TTC28: variants seen among roughly 807,000 people sequenced by gnomAD.
The protein encoded by TTC28 is tetratricopeptide repeat protein 28.
TTC28 carries 61 observed loss-of-function variants against 198.0 expected under a neutral mutation model. That is an observed-to-expected ratio of 0.31 (90% CI 0.25 to 0.38). TTC28 has a LOEUF of 0.38. Ranked by LOEUF, TTC28 falls within the 10% of genes least tolerant of loss-of-function variation. TTC28 has a pLI of 1.00. For missense variants in TTC28, 2,678 were observed against 3,164.0 expected, an observed-to-expected ratio of 0.85 and a Z score of 3.69; for synonymous variants, 1,171 against 1,297.8, an observed-to-expected ratio of 0.90 and a Z score of 2.10.
intron 6 of TTC28, among the ~76,000 whole-genome samples, chr22:28,124,583 A>G (rs1942871298): frequency 6.6e-6 from 1 of 152,232 alleles, no homozygotes; most frequent in South Asian, 2.1e-4. Flanking sequence ...ACACATCTAG[A>G]AAGGGCAAGC....
intron 12 of TTC28, among the ~76,000 whole-genome samples, chr22:28,089,705 TA>T (rs983993978): frequency 2.2e-4 from 30 of 138,170 alleles, no homozygotes; most frequent in African/African-American, 5.6e-4. Flanking sequence ...AATAAAAAAA[TA>T]AAAAAAATAA....
At chr22:28,529,381 G>T (rs1449969891) in intron 2 of TTC28, among the ~76,000 whole-genome samples, 1 of 152,214 alleles carries the variant, frequency 6.6e-6, no homozygotes, top group South Asian at 2.1e-4. Flanking sequence ...CATTGCTGAG[G>T]CTTGGGTAGG....
At chr22:28,153,307 T>C (rs1943653109) in intron 6 of TTC28, among the ~76,000 whole-genome samples, 1 of 150,886 alleles carries the variant, frequency 6.6e-6, no homozygotes, top group Admixed American at 6.6e-5. Flanking sequence ...CCCAGGATGG[T>C]TTGAAAATAG....
intron 13 of TTC28, among the ~76,000 whole-genome samples, chr22:28,022,179 G>A (rs918837120): frequency 6.6e-6 from 1 of 152,228 alleles, no homozygotes; most frequent in African/African-American, 2.4e-5. Context: ...TATGGCATCA[G>A]GCCCTGAACC....
At chr22:28,387,473 G>C (rs2046628951) in intron 2 of TTC28, among the ~76,000 whole-genome samples, 1 of 152,184 alleles carries the variant, frequency 6.6e-6, no homozygotes, top group Non-Finnish European at 1.5e-5. Flanking sequence ...GTGTAAAAGT[G>C]TTCCTACTTC....
chr22:28,393,038 A>AG (rs2046759100), intron 2 of TTC28, among the ~76,000 whole-genome samples: 1 of 151,688 alleles, frequency 6.6e-6, no homozygotes, highest in Admixed American at 6.6e-5. Context: ...CACTATACCC[A>AG]GTTAATTGTT....
chr22:28,600,115 A>C (rs971847825), intron 2 of TTC28, among the ~76,000 whole-genome samples: 4 of 152,120 alleles, frequency 2.6e-5, no homozygotes, highest in African/African-American at 9.7e-5. Flanking sequence ...AATTTATGGG[A>C]GAGGCACGGT....
intron 2 of TTC28, among the ~76,000 whole-genome samples, chr22:28,379,960 A>G (rs1255743896): frequency 6.6e-6 from 1 of 151,998 alleles, no homozygotes; most frequent in Non-Finnish European, 1.5e-5. Context: ...AGGACAGAAC[A>G]AGGACATCCA....
At chr22:28,536,664 G>C (rs530163979) in intron 2 of TTC28, among the ~76,000 whole-genome samples, 3 of 152,146 alleles carry the variant, frequency 2.0e-5, no homozygotes, top group African/African-American at 7.2e-5. Context: ...GAGAAGCACT[G>C]AATAAATGTA....
intron 2 of TTC28, among the ~76,000 whole-genome samples, chr22:28,396,511 T>G (rs2046819228): frequency 1.3e-5 from 2 of 152,208 alleles, no homozygotes; most frequent in Non-Finnish European, 2.9e-5. Context: ...CCCTTTTTAA[T>G]GAAGCCACAA....
chr22:28,096,162 G>T lies in TTC28; in HGVS notation c.3766+28C>A, dbSNP rs1046264577. The T allele has an allele frequency of 5.3e-6, 8 of 1,515,066 alleles. No individual in the cohort carries two copies. In the African/African-American group the frequency reaches 1.1e-4, roughly 21 times the overall value. The allele number at this position is 1,515,066 out of a possible 1,614,324, so 93.9% of individuals were successfully genotyped here. On this transcript the variant is annotated intron_variant, in intron 11 of 22. Coordinates refer to ENST00000397906, the MANE Select transcript of TTC28 (RefSeq NM_001145418.2). The stretch of plus-strand genomic sequence containing the variant: ...CTTTCACAGGTCTAGTCTTCTAATT[G>T]CCCTGTTCCCACAGAAAGAGATCTT...
intron 1 of TTC28, among the ~76,000 whole-genome samples, chr22:28,675,777 T>A (rs899123885): frequency 2.5e-5 from 3 of 118,828 alleles, no homozygotes; most frequent in Non-Finnish European, 5.6e-5. Context: ...ACACACACAA[T>A]GTAAAAAGAG....
chr22:28,294,586 C>G (rs1057499257), intron 5 of TTC28, among the ~76,000 whole-genome samples: 2 of 151,326 alleles, frequency 1.3e-5, no homozygotes, highest in Non-Finnish European at 2.9e-5. Flanking sequence ...CTTTCCCCCC[C>G]AAGATGGAGT....
intron 3 of TTC28, among the ~76,000 whole-genome samples, chr22:28,305,150 C>T (rs1311150493): frequency 6.6e-6 from 1 of 151,980 alleles, no homozygotes; most frequent in African/African-American, 2.4e-5. Flanking sequence ...ACTACCACAC[C>T]CAGCTAATTT....
chr22:28,320,001 A>T (rs964353839), intron 2 of TTC28, among the ~76,000 whole-genome samples: 1 of 152,096 alleles, frequency 6.6e-6, no homozygotes, highest in Non-Finnish European at 1.5e-5. Flanking sequence ...TGTTTTTTTC[A>T]ACAGTTGGTG....
chr22:28,116,116 C>T (rs1942621371), intron 6 of TTC28, among the ~76,000 whole-genome samples: 1 of 152,130 alleles, frequency 6.6e-6, no homozygotes, highest in African/African-American at 2.4e-5. Context: ...CTGATGCTAA[C>T]TGGGAGCAGG....
At chr22:28,395,702 A>C (rs554936558) in intron 2 of TTC28, among the ~76,000 whole-genome samples, 1 of 151,912 alleles carries the variant, frequency 6.6e-6, no homozygotes, top group Non-Finnish European at 1.5e-5. Flanking sequence ...AACTTTGTGT[A>C]AACAGCCCAC....
At chr22:28,185,038 A>G (rs1168758852) in intron 5 of TTC28, among the ~76,000 whole-genome samples, 2 of 152,304 alleles carry the variant, frequency 1.3e-5, no homozygotes, top group East Asian at 3.9e-4. Flanking sequence ...ATGGGACTTT[A>G]GGTCTGCGTA....
Position 27,993,531 on chromosome 22 carries a change from T to TG in TTC28, c.5245-14dup. 6.5e-7 allele frequency: 1 copy of TG among 1,533,478 alleles called. No homozygotes were observed. The allele number at this position is 1,533,478 out of a possible 1,614,324, so 95.0% of individuals were successfully genotyped here. On this transcript the variant is annotated splice_polypyrimidine_tract_variant and intron_variant, in intron 17 of 22. Transcript: ENST00000397906. ...GGGATTTCTCCACCTGAGGGGGAAT[T>TG]GGGGGTGAGTCAGAGACCCAGGCCA...
Sources: gnomAD v4.1 joint callset for allele counts (sites outside exome capture counted in the v4.1 genomes callset) on GRCh38, gnomAD v4.1.1 for gene constraint, MANE v1.5 for transcripts, NCBI Gene and HGNC (gene_info 2026-07-23, HGNC 2026-07-21) for gene names.